Variants in COL6A3 observed in about 807,000 individuals in gnomAD.
COL6A3 encodes collagen type VI alpha 3 chain.
A neutral mutation model predicts 274.1 loss-of-function variants in COL6A3; 137 were observed. That is an observed-to-expected ratio of 0.50 (90% CI 0.44 to 0.58). The LOEUF (loss-of-function observed/expected upper bound fraction) is 0.58, where lower values mean the gene tolerates loss of function less well. Among genes scored for constraint, COL6A3 ranks in the 20% least tolerant of loss-of-function variants. The probability of loss-of-function intolerance (pLI) is 0.00; values close to 1 mark genes in which losing one functional copy is unlikely to be tolerated. For synonymous variants in COL6A3, 1,650 were observed against 1,650.6 expected (o/e 1.00, Z 0.01); for missense variants, 3,950 against 4,124.9 (o/e 0.96, Z 1.16).
At chr2:237,410,966 T>A (rs796806084) in intron 1 of COL6A3, among the ~76,000 whole-genome samples, 2 of 152,314 alleles carry the variant, frequency 1.3e-5, no homozygotes, top group African/African-American at 4.8e-5. Flanking sequence ...ACTTTAAAAT[T>A]TGGAGGGTTT....
chr2:237,348,974 A>G (rs1350952855), intron 28 of COL6A3, among the ~76,000 whole-genome samples: 1 of 152,214 alleles, frequency 6.6e-6, no homozygotes, highest in East Asian at 1.9e-4. Flanking sequence ...GTCAACCCCA[A>G]GAATCTTAGA....
At chr2:237,369,258 A>C in intron 9 of COL6A3, 81 bp from the exon 10 acceptor site, 1 of 1,553,218 alleles carries the variant, frequency 6.4e-7, no homozygotes, top group East Asian at 2.3e-5. Flanking sequence ...TTGCACCATA[A>C]TCCTAATCAA....
Position 237,399,385 on chromosome 2 carries a change from G to A in COL6A3, c.-30-2538C>T, listed in dbSNP as rs183545297. On this transcript the variant is annotated intron_variant, in intron 1 of 43. Coordinates refer to ENST00000295550, the MANE Select transcript of COL6A3 (RefSeq NM_004369.4). Reference sequence around the variant, plus strand: ...AGCCATGCCTCTCTTCCAGCCCTCTGTGAGGAGCATGTGGTAGCCTGTTTG... The same window carrying A: ...AGCCATGCCTCTCTTCCAGCCCTCTATGAGGAGCATGTGGTAGCCTGTTTG... 1.6e-3 allele frequency among the ~76,000 whole-genome samples: 238 copies of A among 152,294 alleles called. 2 individuals carry two copies. Among genetic ancestry groups the A allele is most frequent in the Non-Finnish European group, 6.9e-4 (47 of 68,032 alleles).
rs1429525687 is a variant in COL6A3 at position 237,344,792 on chromosome 2, G to A, written c.7226C>T (p.Thr2409Ile). The change falls in exon 36 of 44, where the codon ACC becomes ATC. Residue 2409 changes from threonine (T) to isoleucine (I), a missense_variant. Thr to Ile is a moderately conservative substitution (Grantham distance 89, BLOSUM62 -1). Around this residue, in one of 5 missense-constraint regions of COL6A3, gnomAD observed 1,284 missense variants for 1,349.7 expected, o/e 0.95. Transcript: ENST00000295550. The surrounding 1 kb of genome is among the most constrained non-coding windows in gnomAD (Gnocchi z 4.8). ...AGTGTCTTGGTTGACTCCCTCAGAG[G>A]TGTCTAAAGCAAAGGCTAGTTCTGT... Reference protein sequence around the residue: ...FPTELAFALDTSEGVNQDTFG... With the variant: ...FPTELAFALDISEGVNQDTFG... 2.5e-6 allele frequency: 4 copies of A among 1,609,592 alleles called. No homozygotes were observed. The South Asian group carries it at 3.3e-5, about 13-fold the overall frequency.
Position 237,394,808 on chromosome 2 carries a change from G to T in COL6A3, c.488C>A (p.Ala163Glu), listed in dbSNP as rs184538194. ...GTTAACATCAGCAGACTTAAGTTCC[G>T]CTGAGGGCAGAGCAAGGCCATCCTT... is the stretch of plus-strand genomic sequence containing the variant. ...HSKDGLALPS[A>E]ELKSADVNVF... Residue 163 changes from alanine (A) to glutamate (E), a missense_variant, in exon 3 of 44, where the codon GCG becomes GAG. Physicochemically the swap from Ala to Glu is moderately radical, Grantham distance 107 (BLOSUM62 -1). Around this residue, in one of 5 missense-constraint regions of COL6A3, gnomAD observed 1,934 missense variants for 1,984.3 expected, o/e 0.97. Transcript: ENST00000295550. The T allele has an allele frequency of 1.2e-6, 2 of 1,614,036 alleles. No individual in the cohort carries two copies.
intron 39 of COL6A3, among the ~76,000 whole-genome samples, 200 bp from the exon 40 acceptor site, chr2:237,336,732 T>C (rs1200793378): frequency 6.6e-6 from 1 of 152,192 alleles, no homozygotes; most frequent in African/African-American, 2.4e-5. Flanking sequence ...AACAGCATAT[T>C]GAAAAATAGA....
rs150376179 is a variant in COL6A3, at chr2:237,324,810, G to A, written c.9498C>T (p.Leu3166=). ...TCACACTGATGACTCCGGGTTTGGC[G>A]AGCACTGAGCGTCGAGAGAGGGGGT... ...KECEKVCAPV[L]AKPGVISVMG... Residue 3166 remains leucine (L), a synonymous_variant, in exon 44 of 44, where the codon CTC becomes CTT. Coordinates refer to ENST00000295550, the MANE Select transcript of COL6A3 (RefSeq NM_004369.4). 93 of 1,613,470 alleles carry A rather than the reference G, an allele frequency of 5.8e-5. No individual in the cohort carries two copies. The African/African-American group carries it at 1.2e-3, about 20-fold the overall frequency.
chr2:237,362,246 C>A (rs898604026), intron 14 of COL6A3, among the ~76,000 whole-genome samples: 7 of 152,172 alleles, frequency 4.6e-5, no homozygotes, highest in Admixed American at 4.6e-4. Context: ...ATATCCATGA[C>A]CACCCTTCCT....
At chr2:237,383,629 A>G (rs2078068454) in intron 4 of COL6A3, among the ~76,000 whole-genome samples, 1 of 152,188 alleles carries the variant, frequency 6.6e-6, no homozygotes, top group Admixed American at 6.5e-5. Flanking sequence ...TGTATATCAC[A>G]CATGACAGAA....
chr2:237,357,165 A>T, intron 23 of COL6A3, 173 bp downstream of exon 23: 1 of 745,232 alleles, frequency 1.3e-6, no homozygotes, highest in Non-Finnish European at 2.5e-6. Context: ...GAAGAGATGA[A>T]GCACCAGGGA....
chr2:237,397,710 A>T (rs1241853106), intron 1 of COL6A3, among the ~76,000 whole-genome samples: 1 of 152,236 alleles, frequency 6.6e-6, no homozygotes, highest in Non-Finnish European at 1.5e-5. Flanking sequence ...GAAAATAGGC[A>T]TTCATAGTAG....
chr2:237,354,549 C>T (rs2077275408), intron 24 of COL6A3, among the ~76,000 whole-genome samples: 1 of 152,138 alleles, frequency 6.6e-6, no homozygotes, highest in African/African-American at 2.4e-5. Context: ...AAGAATGCAA[C>T]CTTTTGTCTC....
chr2:237,341,938 A>T, intron 37 of COL6A3, 127 bp downstream of exon 37: 1 of 808,596 alleles, frequency 1.2e-6, no homozygotes. Context: ...TCTGGTAAAT[A>T]CGAGGCTTTG....
At chr2:237,359,494 G>T (rs774975624) in intron 17 of COL6A3, 106 bp from the exon 18 acceptor site, 177 of 1,169,346 alleles carry the variant, frequency 1.5e-4, no homozygotes, top group Non-Finnish European at 2.1e-4. Flanking sequence ...TTTGAATGTT[G>T]CAGTGTCTGA....
chr2:237,324,767 C>G lies in COL6A3; in HGVS notation c.*7G>C, dbSNP rs4663722. 0.11 allele frequency: 182,092 copies of G among 1,613,246 alleles called. 12,451 individuals are homozygous for G. The highest frequency in any genetic ancestry group is 0.23 in the African/African-American group (17,239 of 74,906). ...TTCAAGAGGTATATGATGTTGGCCACCCACGCTTAGGTTCCCATCACACTG... is the reference window on the plus strand; with the variant it reads ...TTCAAGAGGTATATGATGTTGGCCAGCCACGCTTAGGTTCCCATCACACTG... On this transcript the variant is annotated 3_prime_UTR_variant, in exon 44 of 44. Transcript: ENST00000295550.
At chr2:237,352,713 C>A in intron 25 of COL6A3, 129 bp from the exon 26 acceptor site, 1 of 798,072 alleles carries the variant, frequency 1.3e-6, no homozygotes, top group South Asian at 1.5e-5. Flanking sequence ...CACCAAAACC[C>A]ACAATTATCC....
intron 23 of COL6A3, 101 bp downstream of exon 23, chr2:237,357,237 C>T: frequency 4.2e-6 from 4 of 956,274 alleles, no homozygotes; most frequent in Admixed American, 1.7e-5. Flanking sequence ...TACATTCACT[C>T]ACTGCAGAGC....
At chr2:237,385,021 C>T (rs1173414145) in intron 4 of COL6A3, among the ~76,000 whole-genome samples, 1 of 152,082 alleles carries the variant, frequency 6.6e-6, no homozygotes, top group African/African-American at 2.4e-5. Flanking sequence ...ACTCTTCCCC[C>T]TGCTCTCCGC....
intron 23 of COL6A3, chr2:237,355,539 C>A (rs72986130): frequency 0.028 from 4,339 of 152,350 alleles, 81 homozygotes; most frequent in Non-Finnish European, 0.037. Flanking sequence ...GGGCTTACTT[C>A]ACAAGTAATC....
Sources: gnomAD v4.1 joint callset for allele counts (sites outside exome capture counted in the v4.1 genomes callset) on GRCh38, gnomAD v4.1.1 for gene constraint, gnomAD v4.1.1 regional missense constraint, Gnocchi (gnomAD v3.1) non-coding constraint, MANE v1.5 for transcripts, NCBI Gene and HGNC (gene_info 2026-07-23, HGNC 2026-07-21) for gene names.